CLOCK: variants seen among roughly 807,000 people sequenced by gnomAD.
CLOCK encodes clock circadian regulator, also known as circadian locomoter output cycles protein kaput.
In CLOCK, 43 loss-of-function variants were observed where a neutral mutation model predicts 118.4. The ratio of observed to expected loss-of-function variants is 0.36; its 90% confidence interval spans 0.28 to 0.47. The LOEUF (loss-of-function observed/expected upper bound fraction) is 0.47, where lower values mean the gene tolerates loss of function less well. Among genes scored for constraint, CLOCK ranks in the 20% least tolerant of loss-of-function variants. CLOCK has a pLI of 1.00. For synonymous variants in CLOCK, 326 were observed against 339.2 expected, an observed-to-expected ratio of 0.96 and a Z score of 0.43; for missense variants, 846 against 999.9, an observed-to-expected ratio of 0.85 and a Z score of 2.08.
In CLOCK at chr4:55,453,792, A is replaced by G. The variant is rs369698427; in HGVS notation, c.1015T>C (p.Tyr339His). The change falls in exon 14 of 23, where the codon TAT becomes CAT. Residue 339 changes from tyrosine (Y) to histidine (H), a missense_variant. Tyr to His is a moderately conservative substitution (Grantham distance 83). Coordinates refer to ENST00000513440, the MANE Select transcript of CLOCK (RefSeq NM_004898.4). ...MQYGKGKSCY[Y>H]RFLTKGQQWI... ...TGTTGCCCCTTAGTCAGGAACCTAT[A>G]ATAACATGATTTGCCTTTCCCATAT... is the stretch of plus-strand genomic sequence containing the variant. 1 of 1,607,848 alleles carries G rather than the reference A, an allele frequency of 6.2e-7. No homozygotes were observed. The highest frequency in any genetic ancestry group is 8.5e-7 in the Non-Finnish European group (1 of 1,176,692).
At chr4:55,524,521 T>C (rs1336489449) in intron 1 of CLOCK, among the ~76,000 whole-genome samples, 1 of 152,212 alleles carries the variant, frequency 6.6e-6, no homozygotes, top group African/African-American at 2.4e-5. Context: ...TCTTCATGCA[T>C]TGATTTCTGA....
chr4:55,455,668 G>A (rs1724869819), intron 13 of CLOCK, among the ~76,000 whole-genome samples: 1 of 152,048 alleles, frequency 6.6e-6, no homozygotes, highest in Non-Finnish European at 1.5e-5. Context: ...TCAGAACAAG[G>A]TGTATTAGAT....
chr4:55,461,046 G>A (rs547570368), intron 9 of CLOCK, among the ~76,000 whole-genome samples: 2 of 151,338 alleles, frequency 1.3e-5, no homozygotes, highest in African/African-American at 2.4e-5. Context: ...GCTCAGCCTC[G>A]AGTAGCAGGA....
At chr4:55,484,067 A>G (rs1055640328) in intron 3 of CLOCK, among the ~76,000 whole-genome samples, 5 of 152,234 alleles carry the variant, frequency 3.3e-5, no homozygotes, top group Non-Finnish European at 7.3e-5. Flanking sequence ...GAGATTCTAA[A>G]CATTCAGTCA....
chr4:55,500,503 C>A (rs989681581), intron 2 of CLOCK, among the ~76,000 whole-genome samples: 1 of 151,920 alleles, frequency 6.6e-6, no homozygotes. Context: ...ACCATCATGC[C>A]CTATTGATTT....
intron 7 of CLOCK, among the ~76,000 whole-genome samples, chr4:55,475,504 T>C: frequency 6.6e-6 from 1 of 152,286 alleles, no homozygotes; most frequent in Admixed American, 6.6e-5. Flanking sequence ...GGTAAAATGC[T>C]ATCAAACAGC....
intron 1 of CLOCK, among the ~76,000 whole-genome samples, chr4:55,512,712 C>G (rs946691646): frequency 2.0e-5 from 3 of 152,132 alleles, no homozygotes; most frequent in Non-Finnish European, 4.4e-5. Context: ...ACATTTAGGT[C>G]TCTGATCCAT....
intron 2 of CLOCK, among the ~76,000 whole-genome samples, chr4:55,494,691 C>G (rs983401322): frequency 5.3e-5 from 8 of 152,088 alleles, no homozygotes; most frequent in Admixed American, 3.3e-4. Flanking sequence ...CCAAACACCC[C>G]CTGTTCCCCA....
At chr4:55,450,586 G>T (rs1212763411) in intron 15 of CLOCK, among the ~76,000 whole-genome samples, 1 of 152,016 alleles carries the variant, frequency 6.6e-6, no homozygotes, top group Non-Finnish European at 1.5e-5. Context: ...TGGCCAACAG[G>T]GTGAAACCCC....
At chr4:55,442,763 G>A (rs1360959036) in intron 20 of CLOCK, 129 bp from the exon 21 acceptor site, 1 of 823,832 alleles carries the variant, frequency 1.2e-6, no homozygotes, top group Non-Finnish European at 2.0e-6. Flanking sequence ...TATTACTCTG[G>A]GGGAAATATA....
intron 22 of CLOCK, 32 bp downstream of exon 22, chr4:55,438,250 G>A: frequency 1.9e-6 from 3 of 1,613,198 alleles, no homozygotes; most frequent in Non-Finnish European, 2.5e-6. Flanking sequence ...AAGTAAATGA[G>A]TTTGAAGCAG....
rs141404776 is a variant in CLOCK, at chr4:55,451,999, T to C, written c.1206+1055A>G. Among the ~76,000 whole-genome samples, 467 of 152,300 alleles carry C rather than the reference T, an allele frequency of 3.1e-3. 2 individuals are homozygous for C. The highest frequency in any genetic ancestry group is 0.01 in the African/African-American group (430 of 41,560). On this transcript the variant is annotated intron_variant, in intron 15 of 22. Transcript: ENST00000513440. ...TGCTGCCTATTTAACTCAAGTTTTA[T>C]ATAGATTTTTGACTCTTTTCATTCT...
chr4:55,528,938 A>G (rs1659551252), intron 1 of CLOCK, among the ~76,000 whole-genome samples: 1 of 152,234 alleles, frequency 6.6e-6, no homozygotes, highest in Admixed American at 6.5e-5. Context: ...CTAACTTGCC[A>G]GCAAACAAGA....
rs1429454718 is a variant in CLOCK, at chr4:55,430,550, AAAATTAAAGACC to A, written c.*4853_*4864del. On this transcript the variant is annotated 3_prime_UTR_variant, in exon 23 of 23. Transcript: ENST00000513440. ...CCCCAGTGTTTCCACAGGAGACATTAAAATTAAAGACCAAATTATACTATTTTTTTCCTTTAA... is the reference window on the plus strand; with the variant it reads ...CCCCAGTGTTTCCACAGGAGACATTAAAATTATACTATTTTTTTCCTTTAA... 6.6e-6 allele frequency: 1 copy of A among 152,236 alleles called. No homozygotes were observed. The highest frequency in any genetic ancestry group is 2.4e-5 in the African/African-American group (1 of 41,466). The allele number at this position is 152,236 out of a possible 1,614,324, so 9.4% of individuals were successfully genotyped here. A position where few individuals can be genotyped will look rare whatever the true frequency, so the allele number is the denominator to read the frequency against.
intron 1 of CLOCK, among the ~76,000 whole-genome samples, chr4:55,525,714 C>T (rs1730136461): frequency 6.6e-6 from 1 of 152,106 alleles, no homozygotes; most frequent in South Asian, 2.1e-4. Context: ...AAGTGATCCA[C>T]CCGCCTCGGC....
At chr4:55,505,433 G>A (rs1160950000) in intron 2 of CLOCK, among the ~76,000 whole-genome samples, 1 of 152,006 alleles carries the variant, frequency 6.6e-6, no homozygotes, top group Non-Finnish European at 1.5e-5. Flanking sequence ...GGAGGCGGAG[G>A]CAGGCAGATC....
At chr4:55,456,405 G>A (rs1448336932) in intron 11 of CLOCK, 105 bp from the exon 12 acceptor site, 2 of 728,284 alleles carry the variant, frequency 2.7e-6, no homozygotes, top group Non-Finnish European at 2.3e-6. Flanking sequence ...GCTCACACCT[G>A]TAATCCCAGC....
intron 3 of CLOCK, 69 bp downstream of exon 3, chr4:55,489,305 T>C (rs2109941085): frequency 6.6e-6 from 1 of 152,314 alleles, no homozygotes; most frequent in East Asian, 1.9e-4. Flanking sequence ...TCAAAATAGT[T>C]GATGAATTCT....
At chr4:55,512,520 C>A (rs1313413882) in intron 1 of CLOCK, among the ~76,000 whole-genome samples, 2 of 152,058 alleles carry the variant, frequency 1.3e-5, no homozygotes, top group East Asian at 3.9e-4. Context: ...ATCTTCAAGT[C>A]TGTGGTTTGT....
Sources: allele counts gnomAD v4.1 joint callset (sites outside exome capture counted in the v4.1 genomes callset), GRCh38; gene constraint gnomAD v4.1.1; transcripts MANE v1.5; gene names NCBI Gene and HGNC (gene_info 2026-07-23, HGNC 2026-07-21).